Variants in DLG2 observed in about 807,000 individuals in gnomAD.
The protein encoded by DLG2 is disks large homolog 2.
A neutral mutation model predicts 132.5 loss-of-function variants in DLG2; 45 were observed. That is an observed-to-expected ratio of 0.34 (90% CI 0.27 to 0.44). The LOEUF is 0.44. DLG2 is among the 20% of genes least tolerant of loss of function. The pLI is 1.00. For synonymous variants in DLG2, 424 were observed against 419.6 expected (o/e 1.01, Z -0.13); for missense variants, 1,045 against 1,196.9 (o/e 0.87, Z 1.87).
chr11:83,513,549 A>C (rs758156212), intron 21 of DLG2, among the ~76,000 whole-genome samples: 16 of 152,046 alleles, frequency 1.1e-4, no homozygotes, highest in Non-Finnish European at 1.8e-4. Context: ...CCCATTTGTC[A>C]ATTTTGGCTT....
At chr11:84,413,263 C>T (rs888538882) in intron 7 of DLG2, among the ~76,000 whole-genome samples, 1 of 152,154 alleles carries the variant, frequency 6.6e-6, no homozygotes, top group African/African-American at 2.4e-5. Flanking sequence ...ATCATGTCTC[C>T]ACCTGAATCT....
chr11:84,045,383 C>T (rs1028096650), intron 11 of DLG2, among the ~76,000 whole-genome samples: 1 of 151,620 alleles, frequency 6.6e-6, no homozygotes, highest in African/African-American at 2.4e-5. Context: ...GGTCCAGATG[C>T]TAGGTGCAGT....
At chr11:84,159,855 G>A (rs1236635462) in intron 9 of DLG2, among the ~76,000 whole-genome samples, 3 of 152,132 alleles carry the variant, frequency 2.0e-5, no homozygotes, top group Admixed American at 6.5e-5. Context: ...TATTTTCATG[G>A]TAGCACAAGC....
At chr11:84,655,129 A>G (rs2099686631) in intron 6 of DLG2, among the ~76,000 whole-genome samples, 1 of 152,198 alleles carries the variant, frequency 6.6e-6, no homozygotes, top group Admixed American at 6.6e-5. Flanking sequence ...TCTTTGATAT[A>G]TGAAAGGCTC....
chr11:85,083,235 G>A (rs2067475333), intron 6 of DLG2, among the ~76,000 whole-genome samples: 1 of 152,100 alleles, frequency 6.6e-6, no homozygotes, highest in Non-Finnish European at 1.5e-5. Context: ...CCAAATTTTG[G>A]AAGACCAGGG....
chr11:83,639,570 A>G (rs2065838063), intron 18 of DLG2, among the ~76,000 whole-genome samples: 1 of 149,920 alleles, frequency 6.7e-6, no homozygotes. Context: ...GAACACATGG[A>G]CAGAGGAAGG....
chr11:85,313,157 G>GA (rs1201780958), intron 3 of DLG2, among the ~76,000 whole-genome samples: 24 of 151,938 alleles, frequency 1.6e-4, no homozygotes, highest in African/African-American at 5.1e-4. Flanking sequence ...TAAAAAAGGG[G>GA]AAAAAACCTT....
At chr11:85,423,727 A>G (rs1367416781) in intron 3 of DLG2, among the ~76,000 whole-genome samples, 2 of 152,138 alleles carry the variant, frequency 1.3e-5, no homozygotes, top group Non-Finnish European at 2.9e-5. Context: ...CAGCAGTCAC[A>G]GATCTCATCC....
chr11:84,035,729 A>G (rs1441323748), intron 11 of DLG2, among the ~76,000 whole-genome samples: 1 of 152,164 alleles, frequency 6.6e-6, no homozygotes, highest in Non-Finnish European at 1.5e-5. Flanking sequence ...CTGTTGTGTG[A>G]AGAGACTGTA....
intron 6 of DLG2, among the ~76,000 whole-genome samples, chr11:84,915,126 G>T (rs984197597): frequency 9.9e-5 from 15 of 152,086 alleles, no homozygotes; most frequent in Non-Finnish European, 2.2e-4. Context: ...CCTAATTGAG[G>T]TTGTATTTTT....
intron 4 of DLG2, among the ~76,000 whole-genome samples, chr11:85,248,591 G>A (rs536144349): frequency 6.6e-6 from 1 of 152,098 alleles, no homozygotes; most frequent in Middle Eastern, 3.4e-3. Flanking sequence ...TAGGGAGGCT[G>A]GAGGTGCCAG....
At chr11:85,082,735 C>CT (rs71036458) in intron 6 of DLG2, among the ~76,000 whole-genome samples, 34,130 of 113,372 alleles carry the variant, frequency 0.3, 5,649 homozygotes, top group Non-Finnish European at 0.4. Context: ...TCTTTTCTTT[C>CT]TTTTTTTTTT....
intron 6 of DLG2, among the ~76,000 whole-genome samples, chr11:84,680,394 GC>G (rs1394430340): frequency 6.6e-6 from 1 of 152,042 alleles, no homozygotes; most frequent in Non-Finnish European, 1.5e-5. Context: ...GGCAATTATT[GC>G]CCCTTGGACT....
chr11:85,128,337 G>T, intron 5 of DLG2, among the ~76,000 whole-genome samples: 1 of 152,006 alleles, frequency 6.6e-6, no homozygotes, highest in South Asian at 2.1e-4. Context: ...TATCTTCAGA[G>T]AAAATATAGA....
intron 6 of DLG2, among the ~76,000 whole-genome samples, chr11:84,666,800 A>G (rs1409874323): frequency 1.3e-5 from 2 of 152,082 alleles, no homozygotes; most frequent in African/African-American, 4.8e-5. Flanking sequence ...CTGAAGAAAT[A>G]AAGCTTAGAA....
At chr11:85,372,076 C>T (rs2085024727) in intron 3 of DLG2, among the ~76,000 whole-genome samples, 1 of 152,210 alleles carries the variant, frequency 6.6e-6, no homozygotes, top group Non-Finnish European at 1.5e-5. Flanking sequence ...TTTAGACTAA[C>T]CCTGCTTGTT....
intron 16 of DLG2, among the ~76,000 whole-genome samples, chr11:83,841,342 G>A (rs1017111147): frequency 6.6e-6 from 1 of 152,162 alleles, no homozygotes. Flanking sequence ...TGAAGGCTCT[G>A]TTACTAATCA....
At chr11:85,246,426 T>C (rs2076137864) in intron 4 of DLG2, among the ~76,000 whole-genome samples, 1 of 151,930 alleles carries the variant, frequency 6.6e-6, no homozygotes, top group Non-Finnish European at 1.5e-5. Context: ...TATTTGTCTA[T>C]CAACAAAAAC....
At position 83,531,270 on chromosome 11, in the gene DLG2, GT is replaced by G. The variant is rs367589463; in HGVS notation, c.2193+1437del. On this transcript the variant is annotated intron_variant, in intron 21 of 27. Coordinates refer to ENST00000376104, the MANE Select transcript of DLG2 (RefSeq NM_001142699.3). ...TGCAAAGCATATATATCTCATAAAG[GT>G]TTAATAACCCAACTATATAAAGAAC... 5.6e-3 allele frequency among the ~76,000 whole-genome samples: 853 copies of G among 152,012 alleles called. 5 individuals are homozygous for G. Among genetic ancestry groups the G allele is most frequent in the Middle Eastern group, 0.024 (7 of 292 alleles).
Sources: gnomAD v4.1 joint callset for allele counts (sites outside exome capture counted in the v4.1 genomes callset) on GRCh38, gnomAD v4.1.1 for gene constraint, MANE v1.5 for transcripts, NCBI Gene and HGNC (gene_info 2026-07-23, HGNC 2026-07-21) for gene names.